Variants in HDAC9 observed in about 807,000 individuals in gnomAD.
The protein encoded by HDAC9 is histone deacetylase 9.
HDAC9 carries 41 observed loss-of-function variants against 139.4 expected under a neutral mutation model. That is an observed-to-expected ratio of 0.29 (90% CI 0.23 to 0.38). The LOEUF (loss-of-function observed/expected upper bound fraction) is 0.38, where lower values mean the gene tolerates loss of function less well. Among genes scored for constraint, HDAC9 ranks in the 10% least tolerant of loss-of-function variants. The probability of loss-of-function intolerance (pLI) is 1.00; values close to 1 mark genes in which losing one functional copy is unlikely to be tolerated. For missense variants in HDAC9, 1,147 were observed against 1,297.0 expected (o/e 0.88, Z 1.78); for synonymous variants, 517 against 476.2 (o/e 1.09, Z -1.12).
At chr7:18,111,595 T>C (rs1454671469) in intron 1 of HDAC9, among the ~76,000 whole-genome samples, 1 of 152,242 alleles carries the variant, frequency 6.6e-6, no homozygotes, top group African/African-American at 2.4e-5. Flanking sequence ...TCTATATTAC[T>C]AATAATACCT....
intron 1 of HDAC9, among the ~76,000 whole-genome samples, chr7:18,409,683 A>G (rs1345420716): frequency 6.6e-6 from 1 of 152,182 alleles, no homozygotes; most frequent in East Asian, 1.9e-4. Context: ...CCATGTTTTC[A>G]TTAGGAAATA....
intron 2 of HDAC9, among the ~76,000 whole-genome samples, chr7:18,506,556 T>G (rs1002299109): frequency 2.0e-5 from 3 of 151,728 alleles, no homozygotes; most frequent in African/African-American, 7.3e-5. Flanking sequence ...CTAAATTCTA[T>G]TCAATTTCTC....
At chr7:18,104,028 T>C (rs1222810357) in intron 1 of HDAC9, among the ~76,000 whole-genome samples, 4 of 152,076 alleles carry the variant, frequency 2.6e-5, no homozygotes, top group Non-Finnish European at 1.5e-5. Context: ...AGACCGAGAC[T>C]GTGTAGACAC....
intron 1 of HDAC9, among the ~76,000 whole-genome samples, chr7:18,307,583 A>G (rs1799012104): frequency 6.6e-6 from 1 of 152,096 alleles, no homozygotes; most frequent in Admixed American, 6.6e-5. Flanking sequence ...CGGGCAGATC[A>G]CCTGAGGTCA....
chr7:18,088,964 A>G (rs1314248623), intron 1 of HDAC9, among the ~76,000 whole-genome samples: 2 of 152,202 alleles, frequency 1.3e-5, no homozygotes, highest in Non-Finnish European at 2.9e-5. Context: ...AGAATATGCC[A>G]TTTTCTGTGT....
chr7:18,618,726 GTATATATATATATATATATATA>G (rs71014394), intron 6 of HDAC9, among the ~76,000 whole-genome samples: 6 of 120,050 alleles, frequency 5.0e-5, no homozygotes, highest in Middle Eastern at 5.2e-3. Flanking sequence ...ACAGAATTTT[GTATATATATATATATATATATA>G]TATATATATA....
At chr7:18,489,027 T>C (rs1221399103) in intron 1 of HDAC9, among the ~76,000 whole-genome samples, 1 of 152,034 alleles carries the variant, frequency 6.6e-6, no homozygotes, top group Non-Finnish European at 1.5e-5. Context: ...TAAGAAACTA[T>C]ATAAAATGAA....
At chr7:18,527,314 A>T in intron 2 of HDAC9, among the ~76,000 whole-genome samples, 1 of 152,152 alleles carries the variant, frequency 6.6e-6, no homozygotes, top group East Asian at 1.9e-4. Context: ...AAGGTGAATG[A>T]TCTCAATTTT....
chr7:18,859,716 TTACAG>T (rs1797946780), intron 21 of HDAC9, among the ~76,000 whole-genome samples: 1 of 150,216 alleles, frequency 6.7e-6, no homozygotes, highest in Non-Finnish European at 1.5e-5. Context: ...GAACATTTAC[TTACAG>T]TAATGTTTGA....
At chr7:18,194,391 T>A (rs988264379) in intron 2 of HDAC9, among the ~76,000 whole-genome samples, 5 of 152,206 alleles carry the variant, frequency 3.3e-5, no homozygotes, top group Admixed American at 3.3e-4. Context: ...ATTTTCATTG[T>A]GGTTAAATTT....
intron 21 of HDAC9, among the ~76,000 whole-genome samples, chr7:18,838,006 G>A (rs980957997): frequency 2.6e-5 from 4 of 151,998 alleles, no homozygotes; most frequent in African/African-American, 9.7e-5. Flanking sequence ...ATGCAGAAAT[G>A]TAAATTTCTG....
At chr7:18,449,219 G>C (rs747032439) in intron 1 of HDAC9, among the ~76,000 whole-genome samples, 17 of 152,100 alleles carry the variant, frequency 1.1e-4, no homozygotes, top group Non-Finnish European at 2.4e-4. Context: ...CAAAAAGTGA[G>C]AGCAATGTGC....
At chr7:18,448,024 A>G (rs1022528242) in intron 1 of HDAC9, among the ~76,000 whole-genome samples, 5 of 152,098 alleles carry the variant, frequency 3.3e-5, no homozygotes, top group Non-Finnish European at 5.9e-5. Flanking sequence ...TATTTGTAGT[A>G]GAGAGGAGGT....
chr7:18,381,532 T>C (rs1336989956), intron 1 of HDAC9, among the ~76,000 whole-genome samples: 1 of 152,012 alleles, frequency 6.6e-6, no homozygotes, highest in African/African-American at 2.4e-5. Flanking sequence ...ATAGTGGCAA[T>C]GATGGGATAA....
intron 2 of HDAC9, among the ~76,000 whole-genome samples, chr7:18,580,416 A>G (rs1228710887): frequency 6.6e-6 from 1 of 152,174 alleles, no homozygotes; most frequent in East Asian, 1.9e-4. Flanking sequence ...ATTTATGTGG[A>G]AAAGTTCTGA....
At chr7:18,822,459 A>G (rs1585101223) in intron 17 of HDAC9, among the ~76,000 whole-genome samples, 1 of 152,074 alleles carries the variant, frequency 6.6e-6, no homozygotes. Flanking sequence ...GGTTCAAGCG[A>G]TTCTCCTGCC....
At chr7:18,138,450 G>T (rs1785614704) in intron 1 of HDAC9, among the ~76,000 whole-genome samples, 1 of 151,790 alleles carries the variant, frequency 6.6e-6, no homozygotes, top group South Asian at 2.1e-4. Context: ...AGGGAGTGTG[G>T]AATAGAGATG....
intron 1 of HDAC9, among the ~76,000 whole-genome samples, chr7:18,409,894 A>G (rs1788381635): frequency 6.6e-6 from 1 of 152,234 alleles, no homozygotes; most frequent in African/African-American, 2.4e-5. Context: ...ATCCAGGAGC[A>G]TAGCTTGTTT....
chr7:18,925,612 T>C lies in HDAC9; in HGVS notation c.2804-10197T>C, dbSNP rs1382527962. On this transcript the variant is annotated intron_variant, in intron 22 of 25. Coordinates refer to ENST00000686413, the MANE Select transcript of HDAC9 (RefSeq NM_178425.4). The stretch of plus-strand genomic sequence containing the variant: ...TGTGTAAAACTAAATCAATGAAATT[T>C]TGTATAAGTTAAATTTTTTTAGTTA... Among the ~76,000 whole-genome samples the C allele has an allele frequency of 5.3e-5, 8 of 151,864 alleles. No homozygotes were observed. In the Admixed American group the frequency reaches 5.3e-4, roughly 10 times the overall value.
Sources: gnomAD v4.1 joint callset for allele counts (sites outside exome capture counted in the v4.1 genomes callset) on GRCh38, gnomAD v4.1.1 for gene constraint, MANE v1.5 for transcripts, NCBI Gene and HGNC (gene_info 2026-07-23, HGNC 2026-07-21) for gene names.